Variants in HOXA3 observed in about 807,000 individuals in gnomAD.
HOXA3 encodes the protein homeobox protein Hox-A3.
HOXA3 carries 8 observed loss-of-function variants against 30.3 expected under a neutral mutation model. The observed-to-expected ratio is 0.26, with a 90% CI of 0.15 to 0.48. The LOEUF is 0.48. Ranked by LOEUF, HOXA3 falls within the 20% of genes least tolerant of loss-of-function variation. The pLI is 0.99. For missense variants in HOXA3, 653 were observed against 614.4 expected (o/e 1.06, Z -0.66); for synonymous variants, 323 against 273.1 (o/e 1.18, Z -1.80).
At chr7:27,127,686 T>C (rs1352530495) in intron 2 of HOXA3, among the ~76,000 whole-genome samples, 1 of 152,134 alleles carries the variant, frequency 6.6e-6, no homozygotes, top group Non-Finnish European at 1.5e-5. Flanking sequence ...AATACTAGGG[T>C]TATAGAGATC....
intron 2 of HOXA3, chr7:27,130,882 C>G (rs1256709381): frequency 1.2e-5 from 9 of 772,328 alleles, no homozygotes; most frequent in Non-Finnish European, 1.3e-5. Context: ...ACTCCTCCCC[C>G]TCCCGCAGAC....
In HOXA3 at chr7:27,110,429, C is replaced by A; in HGVS notation, c.212G>T (p.Cys71Phe). 1 of 1,564,376 alleles carries A rather than the reference C, an allele frequency of 6.4e-7. No individual in the cohort carries two copies. Among genetic ancestry groups the A allele is most frequent in the Non-Finnish European group, 8.7e-7 (1 of 1,155,968 alleles). ...AGGTGGGGCGCTCAGGGTGCGCAGG[C>A]ACGCCTCACTCAGTTCGTGTGCCTT... ...HPKAHELSEA[C>F]LRTLSAPPSQ... Residue 71 changes from cysteine (C) to phenylalanine (F), a missense_variant, in exon 5 of 6, where the codon TGC becomes TTC. By Grantham distance (205) the Cys-to-Phe change is radical. Transcript: ENST00000612286.
chr7:27,107,831 CTAAAAA>C lies in HOXA3; in HGVS notation c.*78_*83del. 1.4e-6 allele frequency: 1 copy of C among 725,134 alleles called. No homozygotes were observed. Among genetic ancestry groups the C allele is most frequent in the Non-Finnish European group, 2.0e-6 (1 of 511,364 alleles). 44.9% of individuals were successfully genotyped at this position (725,134 alleles called of 1,614,324 possible). On this transcript the variant is annotated 3_prime_UTR_variant, in exon 6 of 6. Coordinates refer to ENST00000612286, the MANE Select transcript of HOXA3 (RefSeq NM_153631.3). ...GAAGGAAGGAAAGGGCAGGAAGAAC[CTAAAAA>C]AAAAAAAAAAAAAAAGCAACCAAAG...
intron 1 of HOXA3, 139 bp from the exon 2 acceptor site, chr7:27,140,325 G>A (rs1361225384): frequency 6.6e-6 from 1 of 152,148 alleles, no homozygotes; most frequent in East Asian, 1.9e-4. Flanking sequence ...GAGCCGATCT[G>A]TCTGTGCTAT....
intron 2 of HOXA3, among the ~76,000 whole-genome samples, chr7:27,133,037 G>A (rs1196826283): frequency 6.6e-6 from 1 of 152,192 alleles, no homozygotes; most frequent in East Asian, 1.9e-4. Context: ...AGTTAGCTGT[G>A]CCTGTGTTTT....
rs541839848 is a variant in HOXA3, at chr7:27,149,051, T to C, written c.-494+3237A>G. Among the ~76,000 whole-genome samples, 20 of 152,334 alleles carry C rather than the reference T, an allele frequency of 1.3e-4. No individual in the cohort carries two copies. The East Asian group carries it at 3.9e-3, about 29-fold the overall frequency. On this transcript the variant is annotated intron_variant, in intron 1 of 5. Transcript: ENST00000612286. ...GGAATAGTCTCACCGGCTCCAGAAA[T>C]CCTGAATTGCTTTCACTGCTGTCCC...
chr7:27,108,386 G>A lies in HOXA3; in HGVS notation c.861C>T (p.Val287=). Residue 287 remains valine, a synonymous_variant, in exon 6 of 6, where the codon GTC becomes GTT. Coordinates refer to ENST00000612286, the MANE Select transcript of HOXA3 (RefSeq NM_153631.3). This position sits in a 1 kb window ranked among gnomAD's most constrained non-coding sequence, Gnocchi z 5.0. ...LNSMHSLVNS[V]PYEPQSPPPF... is the part of the protein sequence containing the mutation. ...GCGGGGGCGACTGGGGCTCATACGG[G>A]ACGCTGTTGACCAGCGAATGCATAG... is the stretch of plus-strand genomic sequence containing the variant. 2 of 1,593,758 alleles carry A rather than the reference G, an allele frequency of 1.3e-6. No homozygotes were observed. Among genetic ancestry groups the A allele is most frequent in the Non-Finnish European group, 8.6e-7 (1 of 1,167,614 alleles).
chr7:27,142,916 G>C, intron 1 of HOXA3: 2 of 842,756 alleles, frequency 2.4e-6, no homozygotes, highest in Non-Finnish European at 3.7e-6. Context: ...GAGGGAGAAC[G>C]GCAAGGAGAG....
intron 2 of HOXA3, chr7:27,128,764 T>A (rs897776338): frequency 1.1e-5 from 2 of 189,654 alleles, no homozygotes; most frequent in Non-Finnish European, 2.2e-5. Flanking sequence ...AGGTCCACAA[T>A]GTCTACTCAT....
chr7:27,111,877 T>C (rs771678895), intron 4 of HOXA3, among the ~76,000 whole-genome samples: 2 of 152,144 alleles, frequency 1.3e-5, no homozygotes, highest in African/African-American at 4.8e-5. Flanking sequence ...ATTTGATGTA[T>C]GGGGGTCATT....
intron 2 of HOXA3, among the ~76,000 whole-genome samples, chr7:27,137,356 A>G (rs2128057536): frequency 6.6e-6 from 1 of 152,326 alleles, no homozygotes; most frequent in South Asian, 2.1e-4. Context: ...TGTTGTATTT[A>G]TAGTTCAGAA....
At chr7:27,111,558 A>G (rs1283588032) in intron 4 of HOXA3, among the ~76,000 whole-genome samples, 1 of 151,614 alleles carries the variant, frequency 6.6e-6, no homozygotes, top group African/African-American at 2.4e-5. Context: ...GCAAGTCACA[A>G]CTAAAATCCT....
chr7:27,121,341 C>T (rs183209689), intron 4 of HOXA3: 4 of 151,742 alleles, frequency 2.6e-5, no homozygotes, highest in African/African-American at 7.3e-5. Flanking sequence ...TCTCTGGACA[C>T]GTGTGGATGT....
chr7:27,125,063 T>C (rs894550139), intron 3 of HOXA3, among the ~76,000 whole-genome samples: 2 of 152,312 alleles, frequency 1.3e-5, no homozygotes, highest in Non-Finnish European at 2.9e-5. Flanking sequence ...AACCCATCCT[T>C]CTTCTCTGGC....
intron 1 of HOXA3, chr7:27,142,582 A>G (rs1206947186): frequency 1.1e-5 from 2 of 183,226 alleles, no homozygotes; most frequent in East Asian, 1.6e-4. Context: ...AAAATTCAGA[A>G]TCCTGCAGGC....
At chr7:27,129,573 T>A in intron 2 of HOXA3, 1 of 1,611,096 alleles carries the variant, frequency 6.2e-7, no homozygotes, top group Non-Finnish European at 8.5e-7. Flanking sequence ...TGGGGTTAAC[T>A]GAAAACCCAG....
chr7:27,137,810 T>C (rs147524621), intron 2 of HOXA3, among the ~76,000 whole-genome samples: 1 of 152,338 alleles, frequency 6.6e-6, no homozygotes, highest in Admixed American at 6.5e-5. Flanking sequence ...CTTGGAAAGA[T>C]TCTCTATGTT....
At chr7:27,142,689 A>C in intron 1 of HOXA3, 1 of 280,312 alleles carries the variant, frequency 3.6e-6, no homozygotes, top group Non-Finnish European at 6.6e-6. Context: ...ATCCGCCGTG[A>C]CAAGCCCGAT....
chr7:27,145,877 G>A lies in HOXA3; in HGVS notation c.-493-5691C>T, dbSNP rs775287994. ...GCTCCAGTGTCTGGTAGCGCGTGTA[G>A]GTCTGGCGGCCTCGGCGCCCATGGC... On this transcript the variant is annotated intron_variant, in intron 1 of 5. Coordinates refer to ENST00000612286, the MANE Select transcript of HOXA3 (RefSeq NM_153631.3). 7.4e-6 allele frequency: 12 copies of A among 1,614,186 alleles called. No individual in the cohort carries two copies. The East Asian group carries it at 2.2e-4, about 30-fold the overall frequency.
Sources: allele counts gnomAD v4.1 joint callset (sites outside exome capture counted in the v4.1 genomes callset), GRCh38; gene constraint gnomAD v4.1.1; non-coding constraint Gnocchi (gnomAD v3.1); transcripts MANE v1.5; gene names NCBI Gene and HGNC (gene_info 2026-07-23, HGNC 2026-07-21).